The following PPP2R1A variants were observed in gnomAD, a reference collection of about 807,000 sequenced individuals.
The protein encoded by PPP2R1A is serine/threonine-protein phosphatase 2A 65 kDa regulatory subunit A alpha isoform.
Under a neutral mutation model 67.1 loss-of-function variants are expected in PPP2R1A, and 15 were observed. The ratio of observed to expected loss-of-function variants is 0.22; its 90% CI spans 0.15 to 0.34. The LOEUF is 0.34. Among genes scored for constraint, PPP2R1A ranks in the 10% least tolerant of loss-of-function variants. PPP2R1A has a pLI of 1.00. For synonymous variants in PPP2R1A, 337 were observed against 325.0 expected (o/e 1.04, Z -0.40); for missense variants, 369 against 775.0 (o/e 0.48, Z 6.22).
In PPP2R1A at chr19:52,193,263, G is replaced by A. The variant is rs115169884; in HGVS notation, c.78+3089G>A. ...GAATAGAATCTGGGGTGGGACACAC[G>A]GTTGCTGATTATATTCATATGCCAG... On this transcript the variant is annotated intron_variant, in intron 1 of 14. Transcript: ENST00000322088. Among the ~76,000 whole-genome samples the A allele has an allele frequency of 3.8e-3, 573 of 152,316 alleles. 5 individuals are homozygous for A. Among genetic ancestry groups the A allele is most frequent in the African/African-American group, 0.013 (541 of 41,562 alleles).
chr19:52,201,812 C>T, intron 1 of PPP2R1A, 132 bp from the exon 2 acceptor site: 2 of 742,812 alleles, frequency 2.7e-6, no homozygotes, highest in Admixed American at 2.5e-5. Flanking sequence ...GGGTGTTTGC[C>T]AAATTACTCT....
In PPP2R1A at chr19:52,217,278, A is replaced by G. The variant is rs571642283; in HGVS notation, c.1128+615A>G. ...CAGTGATGTGATCATGGTCTACTGC[A>G]GCCTCCACCTTCCAGGCTCAAGTGA... On this transcript the variant is annotated intron_variant, in intron 9 of 14. Transcript: ENST00000322088. Among the ~76,000 whole-genome samples, 6 of 152,342 alleles carry G rather than the reference A, an allele frequency of 3.9e-5. No individual in the cohort carries two copies. In the South Asian group the frequency reaches 1.2e-3, roughly 32 times the overall value.
At chr19:52,203,723 G>C (rs973417984) in intron 2 of PPP2R1A, among the ~76,000 whole-genome samples, 2 of 152,148 alleles carry the variant, frequency 1.3e-5, no homozygotes, top group African/African-American at 4.8e-5. Context: ...GACAGGTTCA[G>C]ATCCCACAGA....
Position 52,219,705 on chromosome 19 carries a change from G to T in PPP2R1A, c.1143G>T (p.Arg381=). The change falls in exon 10 of 15, where the codon CGG becomes CGT. Residue 381 remains arginine (R), a synonymous_variant. Coordinates refer to ENST00000322088, the MANE Select transcript of PPP2R1A (RefSeq NM_014225.6). The surrounding 1 kb of genome is among the most constrained non-coding windows in gnomAD (Gnocchi z 4.0). ...CCTCTCCTCAGTGCCCTGAGGTACG[G>T]CTGAACATCATCTCTAACCTGGACT... ...AQLKDECPEV[R]LNIISNLDCV... 4 of 1,613,136 alleles carry T rather than the reference G, an allele frequency of 2.5e-6. No homozygotes were observed. Among genetic ancestry groups the T allele is most frequent in the Non-Finnish European group, 3.4e-6 (4 of 1,179,338 alleles).
chr19:52,217,721 C>T (rs1978666171), intron 9 of PPP2R1A, among the ~76,000 whole-genome samples: 1 of 152,030 alleles, frequency 6.6e-6, no homozygotes, highest in Non-Finnish European at 1.5e-5. Context: ...GACGAGATTC[C>T]TCACATGTGC....
rs1295442026 is a variant in PPP2R1A, at chr19:52,211,899, T to C, written c.503+407T>C. 7.9e-5 allele frequency among the ~76,000 whole-genome samples: 12 copies of C among 152,228 alleles called. No individual in the cohort carries two copies. Among genetic ancestry groups the C allele is most frequent in the Non-Finnish European group, 1.2e-4 (8 of 68,032 alleles). On this transcript the variant is annotated intron_variant, in intron 4 of 14. Transcript: ENST00000322088. This position sits in a 1 kb window ranked among gnomAD's most constrained non-coding sequence, Gnocchi z 5.3. Reference sequence around the variant, plus strand: ...ACCACCTCAGTTTTCAGCCTCCTGCTCGTCTACTTTGCAAACGATTGACCG... The same window carrying C: ...ACCACCTCAGTTTTCAGCCTCCTGCCCGTCTACTTTGCAAACGATTGACCG...
intron 13 of PPP2R1A, 36 bp downstream of exon 13, chr19:52,222,277 G>C: frequency 6.3e-7 from 1 of 1,597,386 alleles, no homozygotes; most frequent in Non-Finnish European, 8.5e-7. Context: ...ACTGGCAGGG[G>C]CTTCTTGTGG....
intron 9 of PPP2R1A, among the ~76,000 whole-genome samples, chr19:52,217,509 G>C (rs1193960758): frequency 1.3e-5 from 2 of 152,194 alleles, no homozygotes; most frequent in Non-Finnish European, 2.9e-5. Flanking sequence ...TAGAATAAGA[G>C]TTTTGATCCC....
At chr19:52,200,736 G>T (rs1417068308) in intron 1 of PPP2R1A, among the ~76,000 whole-genome samples, 1 of 152,240 alleles carries the variant, frequency 6.6e-6, no homozygotes, top group Non-Finnish European at 1.5e-5. Flanking sequence ...GGTGGCTCCA[G>T]CAATTCCTTG....
chr19:52,220,163 C>G, intron 10 of PPP2R1A, 26 bp from the exon 11 acceptor site: 1 of 1,612,228 alleles, frequency 6.2e-7, no homozygotes, highest in South Asian at 1.1e-5. Flanking sequence ...GAACGCTTAC[C>G]TTGGAACCCT....
intron 1 of PPP2R1A, 107 bp downstream of exon 1, chr19:52,190,281 G>A (rs1195759676): frequency 3.9e-6 from 5 of 1,297,262 alleles, no homozygotes; most frequent in African/African-American, 1.5e-5. Flanking sequence ...GGAAGGGGGC[G>A]ACGGCCAATC....
At chr19:52,195,288 G>A (rs2089488114) in intron 1 of PPP2R1A, among the ~76,000 whole-genome samples, 1 of 152,118 alleles carries the variant, frequency 6.6e-6, no homozygotes, top group South Asian at 2.1e-4. Context: ...GGTGGTAAGT[G>A]CTGTCATGGA....
intron 2 of PPP2R1A, among the ~76,000 whole-genome samples, chr19:52,204,806 G>T (rs2089586172): frequency 6.6e-6 from 1 of 152,166 alleles, no homozygotes; most frequent in Non-Finnish European, 1.5e-5. Context: ...CTCCTACTGG[G>T]CCCTGTGCTG....
At position 52,225,121 on chromosome 19, in the gene PPP2R1A, A is replaced by G. The variant is rs111722165; in HGVS notation, c.1662-596A>G. On this transcript the variant is annotated intron_variant, in intron 13 of 14. Transcript: ENST00000322088. Reference sequence around the variant, plus strand: ...CAACCTCCGCCTCCCAGGTTCCAGCAATTCTCCTGCCTCAGCCTCCCAAGT... The same window carrying G: ...CAACCTCCGCCTCCCAGGTTCCAGCGATTCTCCTGCCTCAGCCTCCCAAGT... Among the ~76,000 whole-genome samples, 992 of 146,396 alleles carry G rather than the reference A, an allele frequency of 6.8e-3. 11 individuals are homozygous for G. Among genetic ancestry groups the G allele is most frequent in the African/African-American group, 0.024 (931 of 39,012 alleles).
intron 2 of PPP2R1A, among the ~76,000 whole-genome samples, chr19:52,203,787 C>T (rs1055751148): frequency 6.6e-6 from 1 of 152,222 alleles, no homozygotes; most frequent in South Asian, 2.1e-4. Flanking sequence ...GTCGCTGGTC[C>T]TGTGGAACTT....
intron 9 of PPP2R1A, among the ~76,000 whole-genome samples, chr19:52,217,763 T>C (rs1322592735): frequency 6.6e-6 from 1 of 151,842 alleles, no homozygotes; most frequent in East Asian, 1.9e-4. Flanking sequence ...GCCAGGAGGG[T>C]CACGTGACCA....
At chr19:52,209,529 A>G (rs548973151) in intron 3 of PPP2R1A, among the ~76,000 whole-genome samples, 102 of 152,342 alleles carry the variant, frequency 6.7e-4, no homozygotes, top group African/African-American at 2.3e-3. Context: ...AAAAATATAC[A>G]TAGAATGTGC....
At position 52,216,606 on chromosome 19, in the gene PPP2R1A, C is replaced by A; in HGVS notation, c.1071C>A (p.Gly357=). ...SVIMGLSPIL[G]KDNTIEHLLP... ...TCATGGGTCTCTCTCCCATCTTGGG[C>A]AAAGACAACACCATCGAGCACCTCT... Residue 357 remains glycine, a synonymous_variant, in exon 9 of 15, where the codon GGC becomes GGA. Transcript: ENST00000322088. This position sits in a 1 kb window ranked among gnomAD's most constrained non-coding sequence, Gnocchi z 4.3. 1 of 1,614,170 alleles carries A rather than the reference C, an allele frequency of 6.2e-7. No homozygotes were observed. The highest frequency in any genetic ancestry group is 1.1e-5 in the South Asian group (1 of 91,078).
Position 52,212,933 on chromosome 19 carries a change from A to G in PPP2R1A, c.652-22A>G, listed in dbSNP as rs953044867. On this transcript the variant is annotated intron_variant, in intron 5 of 14. Transcript: ENST00000322088. The surrounding 1 kb of genome is among the most constrained non-coding windows in gnomAD (Gnocchi z 4.1). ...TCAGCAAGGCCTCTGCTGCCCTCCC[A>G]CTGTTCCTCTCCTCTCCCTAGGACT... 1.9e-6 allele frequency: 3 copies of G among 1,572,456 alleles called. No individual in the cohort carries two copies. Among genetic ancestry groups the G allele is most frequent in the Admixed American group, 1.8e-5 (1 of 55,344 alleles).
Sources: gnomAD v4.1 joint callset for allele counts (sites outside exome capture counted in the v4.1 genomes callset) on GRCh38, gnomAD v4.1.1 for gene constraint, Gnocchi (gnomAD v3.1) non-coding constraint, MANE v1.5 for transcripts, NCBI Gene and HGNC (gene_info 2026-07-23, HGNC 2026-07-21) for gene names.